GALR1: variants seen among roughly 807,000 people sequenced by gnomAD.
GALR1 encodes galanin receptor 1, also known as galanin receptor type 1.
A neutral mutation model predicts 17.9 loss-of-function variants in GALR1; 11 were observed. The observed-to-expected ratio is 0.62, with a 90% CI of 0.39 to 1.02. The LOEUF is 1.02. GALR1 is among the 50% of genes least tolerant of loss of function. The pLI is 0.01. For missense variants in GALR1, 441 were observed against 456.9 expected, an observed-to-expected ratio of 0.97 and a Z score of 0.32; for synonymous variants, 206 against 205.7, an observed-to-expected ratio of 1.00 and a Z score of -0.01.
At position 77,250,114 on chromosome 18, in the gene GALR1, G is replaced by A. The variant is rs1912357762; in HGVS notation, c.-435G>A. On this transcript the variant is annotated 5_prime_UTR_variant, in exon 1 of 3. The change creates a new upstream start codon in the 5' untranslated region. Coordinates refer to ENST00000299727, the MANE Select transcript of GALR1 (RefSeq NM_001480.4). ...GGGAAGGAGCGGCTCCGAGCAACAG[G>A]TGCAGCACGCAGCCCCTCCGGGAGC... Among the ~76,000 whole-genome samples the A allele has an allele frequency of 6.6e-6, 1 of 152,208 alleles. No individual in the cohort carries two copies. Among genetic ancestry groups the A allele is most frequent in the African/African-American group, 2.4e-5 (1 of 41,460 alleles).
intron 1 of GALR1, among the ~76,000 whole-genome samples, chr18:77,255,834 A>C (rs1272602545): frequency 6.6e-6 from 1 of 152,184 alleles, no homozygotes; most frequent in Non-Finnish European, 1.5e-5. Flanking sequence ...ATAGTGTAAT[A>C]AGCACACCTG....
chr18:77,263,832 G>C (rs1246828571), intron 2 of GALR1, among the ~76,000 whole-genome samples: 1 of 152,138 alleles, frequency 6.6e-6, no homozygotes. Flanking sequence ...CAGTTCATGG[G>C]AAGTGATAAG....
chr18:77,260,448 A>G (rs1459807177), intron 2 of GALR1, among the ~76,000 whole-genome samples: 3 of 152,110 alleles, frequency 2.0e-5, no homozygotes, highest in African/African-American at 7.2e-5. Flanking sequence ...AAGGGCACGG[A>G]TCCCATTATG....
chr18:77,259,861 G>C (rs996860517), intron 2 of GALR1, among the ~76,000 whole-genome samples: 5 of 151,942 alleles, frequency 3.3e-5, no homozygotes, highest in Admixed American at 3.3e-4. Flanking sequence ...AGACAGGGGA[G>C]ACTCGGGAAG....
At chr18:77,254,201 A>G (rs1287508434) in intron 1 of GALR1, among the ~76,000 whole-genome samples, 1 of 152,172 alleles carries the variant, frequency 6.6e-6, no homozygotes, top group Non-Finnish European at 1.5e-5. Context: ...CCAGTATGTT[A>G]TTATCACTCT....
intron 2 of GALR1, among the ~76,000 whole-genome samples, 184 bp downstream of exon 2, chr18:77,256,407 C>T (rs1255612004): frequency 6.6e-6 from 1 of 152,020 alleles, no homozygotes; most frequent in African/African-American, 2.4e-5. Flanking sequence ...GGCAAGGGCA[C>T]CGTGGGTCAC....
In GALR1 at chr18:77,260,414, G is replaced by A. The variant is rs1022529855; in HGVS notation, c.732+4191G>A. Among the ~76,000 whole-genome samples the A allele has an allele frequency of 3.3e-5, 5 of 152,274 alleles. 1 individual carries two copies. In the South Asian group the frequency reaches 1.0e-3, roughly 32 times the overall value. ...GTCCTCATAGGGTGGGAGGTGTGAG[G>A]CAGCTCTCTAGGCCCCCATTCATAA... On this transcript the variant is annotated intron_variant, in intron 2 of 2. Coordinates refer to ENST00000299727, the MANE Select transcript of GALR1 (RefSeq NM_001480.4).
chr18:77,268,954 C>A lies in GALR1; in HGVS notation c.*52C>A. 7.8e-7 allele frequency: 1 copy of A among 1,288,490 alleles called. No homozygotes were observed. The highest frequency in any genetic ancestry group is 1.1e-6 in the Non-Finnish European group (1 of 907,566). The allele number at this position is 1,288,490 out of a possible 1,614,324, so 79.8% of individuals were successfully genotyped here. A position where few individuals can be genotyped will look rare whatever the true frequency, so the allele number is the denominator to read the frequency against. On this transcript the variant is annotated 3_prime_UTR_variant, in exon 3 of 3. Coordinates refer to ENST00000299727, the MANE Select transcript of GALR1 (RefSeq NM_001480.4). ...AGTTTCCATATAAGTGGACCAGACA[C>A]AGAAACAAACAGAATGAGCTAGTAA...
At chr18:77,261,261 A>C (rs750577984) in intron 2 of GALR1, among the ~76,000 whole-genome samples, 5 of 152,240 alleles carry the variant, frequency 3.3e-5, no homozygotes, top group Admixed American at 6.5e-5. Flanking sequence ...CATAATTTTA[A>C]ACAATAATTT....
intron 2 of GALR1, among the ~76,000 whole-genome samples, chr18:77,257,554 A>G (rs1373568889): frequency 6.6e-6 from 1 of 152,194 alleles, no homozygotes; most frequent in Non-Finnish European, 1.5e-5. Context: ...ATGTGCTGTT[A>G]TGGTAGAGAT....
At position 77,271,757 on chromosome 18, in the gene GALR1, C is replaced by G. The variant is rs1913070035; in HGVS notation, c.*2855C>G. The G allele has an allele frequency of 3.3e-5, 5 of 152,222 alleles. No individual in the cohort carries two copies. Among genetic ancestry groups the G allele is most frequent in the Admixed American group, 3.3e-4 (5 of 15,284 alleles). The allele number at this position is 152,222 out of a possible 1,614,324, so 9.4% of individuals were successfully genotyped here. ...GATTTGGCTGTCTCAGTGCCCAAGG[C>G]AGCTGTTATTTTCCTAGGCTTTTTG... On this transcript the variant is annotated 3_prime_UTR_variant, in exon 3 of 3. Coordinates refer to ENST00000299727, the MANE Select transcript of GALR1 (RefSeq NM_001480.4).
At chr18:77,266,122 G>GT (rs1912939682) in intron 2 of GALR1, among the ~76,000 whole-genome samples, 4 of 151,962 alleles carry the variant, frequency 2.6e-5, no homozygotes, top group Admixed American at 2.6e-4. Context: ...CCTTATAAAC[G>GT]TAAGTTCCAA....
intron 1 of GALR1, chr18:77,253,881 G>C (rs538785162): frequency 6.6e-6 from 1 of 152,298 alleles, no homozygotes; most frequent in South Asian, 2.1e-4. Flanking sequence ...TTTTGCACCA[G>C]ACAGTTTCTG....
chr18:77,259,018 T>A (rs886919350), intron 2 of GALR1, among the ~76,000 whole-genome samples: 2 of 16,362 alleles, frequency 1.2e-4, no homozygotes, highest in East Asian at 1.8e-3. Flanking sequence ...GGTGGTGGTG[T>A]TGGTGTTGGT....
At position 77,250,479 on chromosome 18, in the gene GALR1, C is replaced by T; in HGVS notation, c.-70C>T. 1.4e-6 allele frequency: 2 copies of T among 1,393,098 alleles called. No individual in the cohort carries two copies. The highest frequency in any genetic ancestry group is 5.5e-5 in the East Asian group (2 of 36,412). 86.3% of individuals were successfully genotyped at this position (1,393,098 alleles called of 1,614,324 possible). On this transcript the variant is annotated 5_prime_UTR_variant, in exon 1 of 3. Coordinates refer to ENST00000299727, the MANE Select transcript of GALR1 (RefSeq NM_001480.4). The stretch of plus-strand genomic sequence containing the variant: ...TGCTTTGCGCCGGGACCCCTGGCCA[C>T]CCCCGGCGCCTACTATCCCGCCCTC...
rs1420775297 is a variant in GALR1 at position 77,271,862 on chromosome 18, G to C, written c.*2960G>C. The stretch of plus-strand genomic sequence containing the variant: ...TTCACATGCATAAGCAACCATTTCA[G>C]TGTCCTGCTGATGAATACAGTGATG... On this transcript the variant is annotated 3_prime_UTR_variant, in exon 3 of 3. Transcript: ENST00000299727. 1.3e-5 allele frequency: 2 copies of C among 152,202 alleles called. No individual in the cohort carries two copies. The highest frequency in any genetic ancestry group is 2.9e-5 in the Non-Finnish European group (2 of 68,044). The allele number at this position is 152,202 out of a possible 1,614,324, so 9.4% of individuals were successfully genotyped here. A position where few individuals can be genotyped will look rare whatever the true frequency, so the allele number is the denominator to read the frequency against.
rs759072847 is a variant in GALR1 at position 77,268,687 on chromosome 18, C to T, written c.835C>T (p.Pro279Ser). ...TGAGTTTGGAGTTTTCCCGCTGACGCCGGCTTCCTTCCTCTTCAGAATCAC... is the reference window on the plus strand; with the variant it reads ...TGAGTTTGGAGTTTTCCCGCTGACGTCGGCTTCCTTCCTCTTCAGAATCAC... ...WAEFGVFPLT[P>S]ASFLFRITAH... Residue 279 changes from proline (P) to serine (S), a missense_variant, in exon 3 of 3, where the codon CCG becomes TCG. By Grantham distance (74) the Pro-to-Ser change is moderately conservative. Transcript: ENST00000299727. 1.9e-6 allele frequency: 3 copies of T among 1,614,162 alleles called. No individual in the cohort carries two copies. The highest frequency in any genetic ancestry group is 4.5e-5 in the East Asian group (2 of 44,882).
At position 77,250,656 on chromosome 18, in the gene GALR1, G is replaced by T. The variant is rs1382221703; in HGVS notation, c.108G>T (p.Thr36=). 6.2e-7 allele frequency: 1 copy of T among 1,608,852 alleles called. No individual in the cohort carries two copies. ...LFGIGVENFV[T]LVVFGLIFAL... The stretch of plus-strand genomic sequence containing the variant: ...GCATCGGCGTGGAGAACTTCGTCAC[G>T]CTGGTGGTGTTCGGCCTGATCTTCG... Residue 36 remains threonine (T), a synonymous_variant, in exon 1 of 3, where the codon ACG becomes ACT. Coordinates refer to ENST00000299727, the MANE Select transcript of GALR1 (RefSeq NM_001480.4).
intron 2 of GALR1, among the ~76,000 whole-genome samples, chr18:77,261,670 T>A (rs1186378939): frequency 6.6e-6 from 1 of 152,238 alleles, no homozygotes; most frequent in African/African-American, 2.4e-5. Context: ...AAGTGGCTTT[T>A]CCAGCCCTTT....
Sources: gnomAD v4.1 joint callset for allele counts (sites outside exome capture counted in the v4.1 genomes callset) on GRCh38, gnomAD v4.1.1 for gene constraint, MANE v1.5 for transcripts, NCBI Gene and HGNC (gene_info 2026-07-23, HGNC 2026-07-21) for gene names.